Variants in KCNQ1 observed in about 807,000 individuals in gnomAD.
The protein encoded by KCNQ1 is potassium voltage-gated channel subfamily Q member 1.
In KCNQ1, 49 loss-of-function variants were observed where a neutral mutation model predicts 72.4. That is an observed-to-expected ratio of 0.68 (90% CI 0.54 to 0.86). The LOEUF (loss-of-function observed/expected upper bound fraction) is 0.86, where lower values mean the gene tolerates loss of function less well. Among genes scored for constraint, KCNQ1 ranks in the 40% least tolerant of loss-of-function variants. The probability of loss-of-function intolerance (pLI) is 0.00; values close to 1 mark genes in which losing one functional copy is unlikely to be tolerated. For synonymous variants in KCNQ1, 450 were observed against 412.6 expected, an observed-to-expected ratio of 1.09 and a Z score of -1.10; for missense variants, 790 against 945.1, an observed-to-expected ratio of 0.84 and a Z score of 2.15.
chr11:2,699,778 G>A (rs1850759190), intron 11 of KCNQ1: 1 of 397,700 alleles, frequency 2.5e-6, no homozygotes, highest in Admixed American at 4.4e-5. Flanking sequence ...GGAGCCCCGA[G>A]GAGAACCGCG....
rs1351633641 is a variant in KCNQ1, at chr11:2,815,452, G to A, written c.1795-32315G>A. Among the ~76,000 whole-genome samples the A allele has an allele frequency of 6.6e-6, 1 of 152,124 alleles. No homozygotes were observed. The highest frequency in any genetic ancestry group is 2.4e-5 in the African/African-American group (1 of 41,398). On this transcript the variant is annotated intron_variant, in intron 15 of 15. Transcript: ENST00000155840. The surrounding 1 kb of genome is among the most constrained non-coding windows in gnomAD (Gnocchi z 5.4). ...CGGGGGACCCTCTCCTGGCCCTGTG[G>A]GGTCGGAGGAGGTCCTGGGAGCCCA...
chr11:2,552,875 C>T (rs571835913), intron 2 of KCNQ1, among the ~76,000 whole-genome samples: 5 of 152,352 alleles, frequency 3.3e-5, no homozygotes, highest in East Asian at 3.9e-4. Flanking sequence ...TTCTGATCCA[C>T]GAACACGGTC....
At position 2,464,313 on chromosome 11, in the gene KCNQ1, A is replaced by T. The variant is rs973615489; in HGVS notation, c.386+18829A>T. ...AATCTTTTCATTTTTGCTCATCTGA[A>T]TTTTCTAATTAAAAATATATTGCTT... is the stretch of plus-strand genomic sequence containing the variant. On this transcript the variant is annotated intron_variant, in intron 1 of 15. Coordinates refer to ENST00000155840, the MANE Select transcript of KCNQ1 (RefSeq NM_000218.3). This position sits in a 1 kb window ranked among gnomAD's most constrained non-coding sequence, Gnocchi z 5.0. 6.6e-6 allele frequency among the ~76,000 whole-genome samples: 1 copy of T among 152,156 alleles called. No homozygotes were observed. The highest frequency in any genetic ancestry group is 6.5e-5 in the Admixed American group (1 of 15,270).
chr11:2,742,729 G>A (rs1335165365), intron 11 of KCNQ1, among the ~76,000 whole-genome samples: 2 of 152,232 alleles, frequency 1.3e-5, no homozygotes, highest in African/African-American at 2.4e-5. Flanking sequence ...CTCCCCATGT[G>A]CTGAATTCGG....
intron 11 of KCNQ1, chr11:2,694,353 T>C (rs1283920059): frequency 5.0e-6 from 2 of 398,538 alleles, no homozygotes; most frequent in Non-Finnish European, 8.8e-6. Context: ...CATATGGCAA[T>C]GTCTGGAGAT....
chr11:2,650,452 G>T, intron 10 of KCNQ1: 1 of 398,546 alleles, frequency 2.5e-6, no homozygotes. Context: ...ATTTGGGTAG[G>T]GTGCTTTGGC....
At chr11:2,568,768 CAGCCTAG>C (rs1398843310) in intron 2 of KCNQ1, among the ~76,000 whole-genome samples, 1 of 152,236 alleles carries the variant, frequency 6.6e-6, no homozygotes, top group Non-Finnish European at 1.5e-5. Context: ...AGCCGGACCT[CAGCCTAG>C]AGCCCTGGTC....
chr11:2,609,550 G>A (rs1254785619), intron 10 of KCNQ1: 6 of 397,988 alleles, frequency 1.5e-5, no homozygotes, highest in Non-Finnish European at 2.7e-5. Context: ...GTTGGTTTAT[G>A]GTGTTGCTCA....
Position 2,684,787 on chromosome 11 carries a change from C to T in KCNQ1, c.1514+22706C>T, listed in dbSNP as rs540870368. 2.4e-4 allele frequency: 95 copies of T among 398,632 alleles called. No individual in the cohort carries two copies. The highest frequency in any genetic ancestry group is 1.8e-3 in the African/African-American group (89 of 48,746). 24.7% of individuals were successfully genotyped at this position (398,632 alleles called of 1,614,324 possible). ...GGACTGCCTCCCAGCCTTCCCTCCC[C>T]ACTGGTCTGGGCACATTCCAAGGCT... is the stretch of plus-strand genomic sequence containing the variant. On this transcript the variant is annotated intron_variant, in intron 11 of 15. Coordinates refer to ENST00000155840, the MANE Select transcript of KCNQ1 (RefSeq NM_000218.3).
In KCNQ1 at chr11:2,817,095, G is replaced by A. The variant is rs866288918; in HGVS notation, c.1795-30672G>A. Among the ~76,000 whole-genome samples the A allele has an allele frequency of 3.4e-4, 52 of 152,062 alleles. No homozygotes were observed. Among genetic ancestry groups the A allele is most frequent in the African/African-American group, 1.2e-3 (50 of 41,416 alleles). Reference sequence around the variant, plus strand: ...CACCCTCACCCTAGTCCACATGCCCGACCCATGACCCAGGCCTGTGGCGCC... The same window carrying A: ...CACCCTCACCCTAGTCCACATGCCCAACCCATGACCCAGGCCTGTGGCGCC... On this transcript the variant is annotated intron_variant, in intron 15 of 15. Coordinates refer to ENST00000155840, the MANE Select transcript of KCNQ1 (RefSeq NM_000218.3). This position sits in a 1 kb window ranked among gnomAD's most constrained non-coding sequence, Gnocchi z 6.1.
intron 2 of KCNQ1, among the ~76,000 whole-genome samples, chr11:2,570,247 G>A (rs1848308559): frequency 6.6e-6 from 1 of 151,710 alleles, no homozygotes; most frequent in African/African-American, 2.4e-5. Context: ...GGAGTTCCTG[G>A]TGTGGGGCCC....
intron 11 of KCNQ1, chr11:2,665,614 C>CT (rs1850053408): frequency 2.5e-6 from 1 of 397,298 alleles, no homozygotes; most frequent in South Asian, 1.3e-4. Context: ...CACACTTAGG[C>CT]TGTACGGCTG....
chr11:2,675,469 A>G (rs1348621171), intron 11 of KCNQ1: 1 of 398,590 alleles, frequency 2.5e-6, no homozygotes, highest in Non-Finnish European at 4.4e-6. Context: ...AAAAAGTTAC[A>G]TAAAAACGTA....
Position 2,498,228 on chromosome 11 carries a change from C to G in KCNQ1, c.387-29700C>G, listed in dbSNP as rs1393024540. Among the ~76,000 whole-genome samples, 1 of 152,212 alleles carries G rather than the reference C, an allele frequency of 6.6e-6. No individual in the cohort carries two copies. The highest frequency in any genetic ancestry group is 2.4e-5 in the African/African-American group (1 of 41,452). On this transcript the variant is annotated intron_variant, in intron 1 of 15. Coordinates refer to ENST00000155840, the MANE Select transcript of KCNQ1 (RefSeq NM_000218.3). The surrounding 1 kb of genome is among the most constrained non-coding windows in gnomAD (Gnocchi z 4.8). ...CTGCGAGAATCCCCCTTGTCAGGATCAGCTGCTCTCTTCAGAGCCAGCAGG... is the reference window on the plus strand; with the variant it reads ...CTGCGAGAATCCCCCTTGTCAGGATGAGCTGCTCTCTTCAGAGCCAGCAGG...
intron 10 of KCNQ1, chr11:2,619,331 T>C (rs993653429): frequency 2.5e-6 from 1 of 398,428 alleles, no homozygotes; most frequent in African/African-American, 2.1e-5. Context: ...TGGCATTCGT[T>C]ATATTGAGGA....
chr11:2,656,192 TA>T (rs908514954), intron 10 of KCNQ1: 6 of 398,344 alleles, frequency 1.5e-5, no homozygotes, highest in African/African-American at 8.2e-5. Context: ...TTCCTTCCTT[TA>T]AAAAAAATTG....
rs1474607383 is a variant in KCNQ1 at position 2,827,780 on chromosome 11, G to A, written c.1795-19987G>A. Among the ~76,000 whole-genome samples, 1 of 152,166 alleles carries A rather than the reference G, an allele frequency of 6.6e-6. No homozygotes were observed. The highest frequency in any genetic ancestry group is 1.5e-5 in the Non-Finnish European group (1 of 68,024). On this transcript the variant is annotated intron_variant, in intron 15 of 15. Transcript: ENST00000155840. The surrounding 1 kb of genome is among the most constrained non-coding windows in gnomAD (Gnocchi z 6.7). The stretch of plus-strand genomic sequence containing the variant: ...AGGGAGGAAATGGGGGTACACTTCA[G>A]CGGCTCAGGCCAGGGTGTAAGTAGC...
Position 2,543,305 on chromosome 11 carries a change from T to C in KCNQ1, c.477+15287T>C, listed in dbSNP as rs1444111733. On this transcript the variant is annotated intron_variant, in intron 2 of 15. Coordinates refer to ENST00000155840, the MANE Select transcript of KCNQ1 (RefSeq NM_000218.3). The surrounding 1 kb of genome is among the most constrained non-coding windows in gnomAD (Gnocchi z 5.6). Reference sequence around the variant, plus strand: ...TTTTTTTTTGTTTGAGACTGGGTCATGCACTGTGCTCAGGCTGGAGTGCAG... The same window carrying C: ...TTTTTTTTTGTTTGAGACTGGGTCACGCACTGTGCTCAGGCTGGAGTGCAG... Among the ~76,000 whole-genome samples, 24 of 152,248 alleles carry C rather than the reference T, an allele frequency of 1.6e-4. 1 individual carries two copies. In the East Asian group the frequency reaches 4.4e-3, roughly 28 times the overall value.
chr11:2,845,936 C>T (rs115824174), intron 15 of KCNQ1, among the ~76,000 whole-genome samples: 3,337 of 152,290 alleles, frequency 0.022, 142 homozygotes, highest in African/African-American at 0.075. Flanking sequence ...CTGTGGGTGA[C>T]GACCACAGCA....
Sources: allele counts gnomAD v4.1 joint callset (sites outside exome capture counted in the v4.1 genomes callset), GRCh38; gene constraint gnomAD v4.1.1; non-coding constraint Gnocchi (gnomAD v3.1); transcripts MANE v1.5; gene names NCBI Gene and HGNC (gene_info 2026-07-23, HGNC 2026-07-21).